DNAH7: variants seen among roughly 807,000 people sequenced by gnomAD.
DNAH7 encodes the protein dynein axonemal heavy chain 7.
A neutral mutation model predicts 444.6 loss-of-function variants in DNAH7; 397 were observed. The ratio of observed to expected loss-of-function variants is 0.89; its 90% CI spans 0.82 to 0.97. DNAH7 has a LOEUF of 0.97. DNAH7 is among the 50% of genes least tolerant of loss of function. The pLI is 0.00. For synonymous variants in DNAH7, 1,636 were observed against 1,624.4 expected (o/e 1.01, Z -0.17); for missense variants, 4,902 against 4,800.8 (o/e 1.02, Z -0.62).
intron 11 of DNAH7, 75 bp downstream of exon 11, chr2:196,001,600 T>A: frequency 7.8e-7 from 1 of 1,287,144 alleles, no homozygotes; most frequent in Non-Finnish European, 1.0e-6. Flanking sequence ...CTGATAGAGA[T>A]GTTATTTTCC....
At chr2:195,981,300 T>C (rs1406164566) in intron 15 of DNAH7, among the ~76,000 whole-genome samples, 2 of 152,004 alleles carry the variant, frequency 1.3e-5, no homozygotes. Flanking sequence ...AAGATCTCTA[T>C]AGTGAAAATT....
chr2:195,922,421 C>T (rs1476002753), intron 23 of DNAH7, among the ~76,000 whole-genome samples: 1 of 152,024 alleles, frequency 6.6e-6, no homozygotes, highest in South Asian at 2.1e-4. Context: ...TGTCCCTTAC[C>T]TCTTCCATAT....
intron 49 of DNAH7, among the ~76,000 whole-genome samples, chr2:195,822,095 C>T (rs895932980): frequency 1.3e-5 from 2 of 152,150 alleles, no homozygotes; most frequent in Admixed American, 6.5e-5. Flanking sequence ...ATGAGATAAG[C>T]AATTTTTAAA....
In DNAH7 at chr2:195,872,678, C is replaced by G. The variant is rs193219866; in HGVS notation, c.6414-209G>C. ...TTCCATGTACTATTTTATGTTATGT[C>G]CAAAAGACCCCTGTGAAATGAGCAG... On this transcript the variant is annotated intron_variant, in intron 39 of 64. Transcript: ENST00000312428. 2.6e-3 allele frequency among the ~76,000 whole-genome samples: 401 copies of G among 152,026 alleles called. 3 individuals are homozygous for G. The highest frequency in any genetic ancestry group is 4.0e-3 in the Non-Finnish European group (273 of 68,004).
intron 8 of DNAH7, among the ~76,000 whole-genome samples, chr2:196,020,606 G>C (rs1360293034): frequency 2.1e-5 from 3 of 145,332 alleles, no homozygotes; most frequent in Non-Finnish European, 4.5e-5. Context: ...ATAATTTGGG[G>C]CTTTTGTTTT....
chr2:195,999,025 G>C lies in DNAH7; in HGVS notation c.1353+1679C>G. 3 of 693,900 alleles carry C rather than the reference G, an allele frequency of 4.3e-6. No homozygotes were observed. The South Asian group carries it at 4.7e-5, about 11-fold the overall frequency. 43.0% of individuals were successfully genotyped at this position (693,900 alleles called of 1,614,324 possible). ...CTAAGCTTTGCTTTAATGAGTTTCC[G>C]GCAAGGTGGATGCATGGGAGGGGCT... On this transcript the variant is annotated intron_variant, in intron 12 of 64. Transcript: ENST00000312428.
At position 195,791,848 on chromosome 2, in the gene DNAH7, A is replaced by C. The variant is rs192894570; in HGVS notation, c.10716+2490T>G. On this transcript the variant is annotated intron_variant, in intron 57 of 64. Coordinates refer to ENST00000312428, the MANE Select transcript of DNAH7 (RefSeq NM_018897.3). ...CTTCTCACTTATAAGTGGGAGCTAA[A>C]CATTGGGTAAACACAGACATAAAGA... Among the ~76,000 whole-genome samples the C allele has an allele frequency of 1.2e-3, 185 of 152,282 alleles. 1 individual carries two copies. The highest frequency in any genetic ancestry group is 2.0e-3 in the Admixed American group (31 of 15,292).
chr2:195,976,016 C>A (rs1202836156), intron 15 of DNAH7, among the ~76,000 whole-genome samples: 1 of 152,172 alleles, frequency 6.6e-6, no homozygotes. Context: ...AGAGAGACTC[C>A]TTCTGCTTAA....
intron 63 of DNAH7, among the ~76,000 whole-genome samples, chr2:195,752,552 T>TA (rs988752445): frequency 7.2e-5 from 11 of 152,118 alleles, no homozygotes; most frequent in Admixed American, 5.2e-4. Context: ...TGTTTAAAGA[T>TA]AAAAAAGAAT....
chr2:196,024,607 A>G (rs1305814211), intron 7 of DNAH7, 103 bp from the exon 8 acceptor site: 5 of 600,032 alleles, frequency 8.3e-6, no homozygotes, highest in Non-Finnish European at 1.0e-5. Flanking sequence ...TGTTTAAATT[A>G]TATTAAAGTT....
At chr2:196,033,535 T>C (rs1482051529) in intron 5 of DNAH7, among the ~76,000 whole-genome samples, 8 of 152,224 alleles carry the variant, frequency 5.3e-5, no homozygotes, top group Admixed American at 1.3e-4. Context: ...ATTAAACATA[T>C]GAGAACATGC....
At chr2:195,821,011 G>A (rs998353941) in intron 49 of DNAH7, among the ~76,000 whole-genome samples, 14 of 152,184 alleles carry the variant, frequency 9.2e-5, no homozygotes, top group East Asian at 3.9e-4. Flanking sequence ...AATCAGCCCC[G>A]CACCAGGCCA....
intron 41 of DNAH7, 137 bp downstream of exon 41, chr2:195,864,012 T>C: frequency 1.3e-6 from 1 of 740,964 alleles, no homozygotes; most frequent in Non-Finnish European, 2.1e-6. Flanking sequence ...TATAATTTCA[T>C]AAGATATAAC....
chr2:195,874,285 T>A (rs12469956), intron 38 of DNAH7, among the ~76,000 whole-genome samples: 9,587 of 152,236 alleles, frequency 0.063, 537 homozygotes, highest in East Asian at 0.23. Context: ...CCTTTGAGCT[T>A]ATACATTTCT....
intron 12 of DNAH7, among the ~76,000 whole-genome samples, chr2:195,990,667 A>G (rs1165407127): frequency 6.6e-6 from 1 of 151,384 alleles, no homozygotes; most frequent in South Asian, 2.1e-4. Context: ...TCGAAAAAAA[A>G]AGTTATTGTA....
At chr2:195,947,138 T>A (rs1689866749) in intron 19 of DNAH7, among the ~76,000 whole-genome samples, 1 of 147,948 alleles carries the variant, frequency 6.8e-6, no homozygotes, top group East Asian at 1.9e-4. Flanking sequence ...ATTATATATC[T>A]ACATAATTAT....
rs770054755 is a variant in DNAH7 at position 195,834,404 on chromosome 2, T to C, written c.8946-44A>G. 5 of 1,556,794 alleles carry C rather than the reference T, an allele frequency of 3.2e-6. No homozygotes were observed. In the South Asian group the frequency reaches 4.7e-5, roughly 15 times the overall value. On this transcript the variant is annotated intron_variant, in intron 47 of 64. Coordinates refer to ENST00000312428, the MANE Select transcript of DNAH7 (RefSeq NM_018897.3). ...ACGATGCTGGTCAAGCCATGATTTGTTTCTACACTACTTAATCATGTTCAC... is the reference window on the plus strand; with the variant it reads ...ACGATGCTGGTCAAGCCATGATTTGCTTCTACACTACTTAATCATGTTCAC...
intron 63 of DNAH7, among the ~76,000 whole-genome samples, chr2:195,751,123 C>G (rs1456898940): frequency 6.6e-6 from 1 of 151,950 alleles, no homozygotes; most frequent in Non-Finnish European, 1.5e-5. Context: ...ATTTTAAAAG[C>G]CTCTAGTGGG....
Position 196,008,955 on chromosome 2 carries a change from C to T in DNAH7, c.989+3832G>A, listed in dbSNP as rs182091351. ...TTCTAGCATCTGATTCCAGTGAAGG[C>T]CCCAGGAACATTATAATTACGGCAG... On this transcript the variant is annotated intron_variant, in intron 10 of 64. Transcript: ENST00000312428. Among the ~76,000 whole-genome samples, 66 of 149,956 alleles carry T rather than the reference C, an allele frequency of 4.4e-4. No homozygotes were observed. In the East Asian group the frequency reaches 0.011, roughly 25 times the overall value.
Sources: allele counts gnomAD v4.1 joint callset (sites outside exome capture counted in the v4.1 genomes callset), GRCh38; gene constraint gnomAD v4.1.1; transcripts MANE v1.5; gene names NCBI Gene and HGNC (gene_info 2026-07-23, HGNC 2026-07-21).